GRB10: variants seen among roughly 807,000 people sequenced by gnomAD.
GRB10 encodes growth factor receptor bound protein 10.
GRB10 carries 20 observed loss-of-function variants against 80.9 expected under a neutral mutation model. That is an observed-to-expected ratio of 0.25 (90% CI 0.17 to 0.36). The LOEUF (loss-of-function observed/expected upper bound fraction) is 0.36, where lower values mean the gene tolerates loss of function less well. Ranked by LOEUF, GRB10 falls within the 10% of genes least tolerant of loss-of-function variation. The probability of loss-of-function intolerance (pLI) is 1.00; values close to 1 mark genes in which losing one functional copy is unlikely to be tolerated. For missense variants in GRB10, 548 were observed against 747.7 expected (o/e 0.73, Z 3.12); for synonymous variants, 291 against 291.5 (o/e 1.00, Z 0.02).
chr7:50,628,816 T>C (rs1400152704), intron 7 of GRB10, among the ~76,000 whole-genome samples: 23 of 152,194 alleles, frequency 1.5e-4, no homozygotes, highest in Admixed American at 1.5e-3. Flanking sequence ...ACCATCTCTT[T>C]TCCAGAATTT....
At chr7:50,661,165 C>T (rs544348694) in intron 7 of GRB10, among the ~76,000 whole-genome samples, 7 of 152,244 alleles carry the variant, frequency 4.6e-5, no homozygotes, top group Non-Finnish European at 1.0e-4. Flanking sequence ...ACAACCTGCA[C>T]TGGGAGGCCA....
intron 3 of GRB10, among the ~76,000 whole-genome samples, chr7:50,742,074 T>C (rs1019000): frequency 0.57 from 86,486 of 151,044 alleles, 28,066 homozygotes; most frequent in Middle Eastern, 0.82. Flanking sequence ...ACAGTGAAGA[T>C]GAAACTGAGT....
intron 7 of GRB10, among the ~76,000 whole-genome samples, chr7:50,660,606 C>T (rs570803753): frequency 8.0e-4 from 122 of 152,164 alleles, no homozygotes; most frequent in African/African-American, 2.4e-3. Flanking sequence ...CCCTCCACAC[C>T]GTGGCCTCTC....
intron 4 of GRB10, among the ~76,000 whole-genome samples, chr7:50,718,747 A>T (rs1217438034): frequency 2.0e-5 from 3 of 152,276 alleles, no homozygotes; most frequent in East Asian, 3.9e-4. Flanking sequence ...TGAAATTGTA[A>T]CCGTCGAAAC....
chr7:50,648,566 C>T (rs2057565961), intron 7 of GRB10, among the ~76,000 whole-genome samples: 2 of 152,150 alleles, frequency 1.3e-5, no homozygotes, highest in Admixed American at 1.3e-4. Context: ...CTTTGGGAAT[C>T]CTTATCCCAA....
intron 4 of GRB10, among the ~76,000 whole-genome samples, chr7:50,726,555 A>G (rs1285639468): frequency 2.0e-5 from 3 of 152,180 alleles, no homozygotes; most frequent in Non-Finnish European, 4.4e-5. Flanking sequence ...ATAAATATAT[A>G]CATATTTATG....
At chr7:50,716,857 A>C (rs921680713) in intron 4 of GRB10, among the ~76,000 whole-genome samples, 1 of 152,246 alleles carries the variant, frequency 6.6e-6, no homozygotes, top group African/African-American at 2.4e-5. Context: ...GAAACTATCC[A>C]GAATGGCACA....
chr7:50,735,855 G>A lies in GRB10; in HGVS notation c.-46-3487C>T, dbSNP rs1044666995. Among the ~76,000 whole-genome samples the A allele has an allele frequency of 3.3e-5, 5 of 151,808 alleles. No homozygotes were observed. The East Asian group carries it at 9.6e-4, about 29-fold the overall frequency. On this transcript the variant is annotated intron_variant, in intron 3 of 18. Transcript: ENST00000401949. Reference sequence around the variant, plus strand: ...ATGAAAGATTTTTTGTTTGCCTTTTGAGTAAACTACAGGAAAAAAAACAAA... The same window carrying A: ...ATGAAAGATTTTTTGTTTGCCTTTTAAGTAAACTACAGGAAAAAAAACAAA...
intron 8 of GRB10, among the ~76,000 whole-genome samples, chr7:50,625,109 T>C (rs573577840): frequency 2.1e-4 from 32 of 152,306 alleles, no homozygotes; most frequent in African/African-American, 7.5e-4. Context: ...CATCATTTAT[T>C]TATCTACCAT....
At chr7:50,715,442 G>T (rs943492202) in intron 4 of GRB10, among the ~76,000 whole-genome samples, 1 of 152,138 alleles carries the variant, frequency 6.6e-6, no homozygotes, top group African/African-American at 2.4e-5. Context: ...CCAAACTCGG[G>T]CAGCCATTAC....
At chr7:50,672,728 C>T (rs187254485) in intron 6 of GRB10, among the ~76,000 whole-genome samples, 2 of 152,168 alleles carry the variant, frequency 1.3e-5, no homozygotes, top group Non-Finnish European at 2.9e-5. Flanking sequence ...TTCTGGCTTT[C>T]CAGCCCACCC....
At chr7:50,756,421 G>A (rs1331869749) in intron 2 of GRB10, among the ~76,000 whole-genome samples, 1 of 152,208 alleles carries the variant, frequency 6.6e-6, no homozygotes, top group Non-Finnish European at 1.5e-5. Context: ...CCCAGGTCAG[G>A]GTCCTCCCAG....
intron 4 of GRB10, among the ~76,000 whole-genome samples, chr7:50,724,956 G>A (rs1253460793): frequency 2.0e-5 from 3 of 152,110 alleles, no homozygotes; most frequent in Non-Finnish European, 4.4e-5. Context: ...AACCAGGTAC[G>A]CCATGATGCC....
At chr7:50,689,148 C>A (rs1373897076) in intron 5 of GRB10, among the ~76,000 whole-genome samples, 1 of 152,116 alleles carries the variant, frequency 6.6e-6, no homozygotes, top group Non-Finnish European at 1.5e-5. Flanking sequence ...GGTGGGGAAA[C>A]CATTTTGCCA....
intron 5 of GRB10, among the ~76,000 whole-genome samples, chr7:50,701,705 A>G (rs2064256416): frequency 6.6e-6 from 1 of 152,268 alleles, no homozygotes; most frequent in African/African-American, 2.4e-5. Flanking sequence ...ATATGTTGGC[A>G]TAACATTGTA....
At chr7:50,599,857 C>A (rs1463177646) in intron 17 of GRB10, among the ~76,000 whole-genome samples, 1 of 152,202 alleles carries the variant, frequency 6.6e-6, no homozygotes, top group Non-Finnish European at 1.5e-5. Flanking sequence ...CACCCCAAGG[C>A]AGCCCTTTCA....
chr7:50,611,342 C>G (rs2049495453), intron 13 of GRB10, among the ~76,000 whole-genome samples: 1 of 152,228 alleles, frequency 6.6e-6, no homozygotes, highest in African/African-American at 2.4e-5. Flanking sequence ...GAATACTGCC[C>G]TCAATGGATG....
At chr7:50,617,842 G>A (rs1236061223) in intron 10 of GRB10, 1 of 600,870 alleles carries the variant, frequency 1.7e-6, no homozygotes, top group Non-Finnish European at 3.0e-6. Flanking sequence ...CATCGTGTAA[G>A]TGCCTGTTTG....
At chr7:50,692,646 A>G (rs1242371114) in intron 5 of GRB10, among the ~76,000 whole-genome samples, 1 of 152,178 alleles carries the variant, frequency 6.6e-6, no homozygotes, top group Non-Finnish European at 1.5e-5. Flanking sequence ...AATTCATTAA[A>G]TATCTATGAA....
Sources: gnomAD v4.1 joint callset for allele counts (sites outside exome capture counted in the v4.1 genomes callset) on GRCh38, gnomAD v4.1.1 for gene constraint, MANE v1.5 for transcripts, NCBI Gene and HGNC (gene_info 2026-07-23, HGNC 2026-07-21) for gene names.